The following GNPTG variants were observed in gnomAD, a reference collection of about 807,000 sequenced individuals.
The protein encoded by GNPTG is N-acetylglucosamine-1-phosphotransferase subunit gamma.
A neutral mutation model predicts 43.8 loss-of-function variants in GNPTG; 46 were observed. That is an observed-to-expected ratio of 1.05 (90% confidence interval 0.83 to 1.34). The LOEUF is 1.34. GNPTG is among the 40% of genes most tolerant of loss of function. GNPTG has a pLI of 0.00. For synonymous variants in GNPTG, 250 were observed against 172.8 expected (o/e 1.45, Z -3.50); for missense variants, 549 against 411.3 (o/e 1.33, Z -2.90).
In GNPTG at chr16:1,363,194, G is replaced by A. The variant is rs149512696; in HGVS notation, c.*103G>A. 1.9e-4 allele frequency: 186 copies of A among 955,736 alleles called. No individual in the cohort carries two copies. In the African/African-American group the frequency reaches 2.7e-3, roughly 14 times the overall value. 59.2% of individuals were successfully genotyped at this position (955,736 alleles called of 1,614,324 possible). A position where few individuals can be genotyped will look rare whatever the true frequency, so the allele number is the denominator to read the frequency against. On this transcript the variant is annotated 3_prime_UTR_variant, in exon 11 of 11. Transcript: ENST00000204679. ...GCTGACCAGGCTTGTGCTCAGAGAA[G>A]CAGACAAAACAAAGATTCAAGGTTT... is the stretch of plus-strand genomic sequence containing the variant.
Position 1,361,816 on chromosome 16 carries a change from C to T in GNPTG, c.233+19C>T, listed in dbSNP as rs373810840. 2.3e-5 allele frequency: 37 copies of T among 1,603,892 alleles called. No individual in the cohort carries two copies. Among genetic ancestry groups the T allele is most frequent in the Middle Eastern group, 1.7e-4 (1 of 6,042 alleles). On this transcript the variant is annotated intron_variant, in intron 4 of 10. Transcript: ENST00000204679. ...AGTCCACGTGAGTGCAGGGTGGGTG[C>T]GAGGGTGGGCTGGGGCGCAGCCTGC...
intron 3 of GNPTG, among the ~76,000 whole-genome samples, chr16:1,353,566 C>T (rs902927596): frequency 3.9e-5 from 6 of 152,160 alleles, no homozygotes; most frequent in Admixed American, 1.3e-4. Context: ...CTCTCTCACT[C>T]GGGCTGGAGT....
chr16:1,354,210 C>A (rs2034732434), intron 3 of GNPTG, among the ~76,000 whole-genome samples: 2 of 152,058 alleles, frequency 1.3e-5, no homozygotes, highest in Non-Finnish European at 2.9e-5. Context: ...CAGCGCAGTT[C>A]CCGACCGAAC....
Position 1,362,665 on chromosome 16 carries a change from C to T in GNPTG, c.664C>T (p.Pro222Ser), listed in dbSNP as rs1182234446. 1.2e-6 allele frequency: 2 copies of T among 1,614,104 alleles called. No homozygotes were observed. Among genetic ancestry groups the T allele is most frequent in the South Asian group, 1.1e-5 (1 of 91,082 alleles). The change falls in exon 9 of 11, where the codon CCA becomes TCA. Residue 222 changes from proline (P) to serine (S), a missense_variant. Transcript: ENST00000204679. ...LFEDAGYLKTPEENEPTQLEG... is the reference protein window; with the variant it reads ...LFEDAGYLKTSEENEPTQLEG... ...TGAGGATGCTGGCTACTTAAAGACC[C>T]CAGAAGAAAATGAACCCACCCAGCT...
rs561151010 is a variant in GNPTG, at chr16:1,361,644, A to C, written c.179-99A>C. 293 of 1,230,894 alleles carry C rather than the reference A, an allele frequency of 2.4e-4. 2 individuals are homozygous for C. The African/African-American group carries it at 4.1e-3, about 17-fold the overall frequency. The allele number at this position is 1,230,894 out of a possible 1,614,324, so 76.2% of individuals were successfully genotyped here. A position where few individuals can be genotyped will look rare whatever the true frequency, so the allele number is the denominator to read the frequency against. ...GGGTGACAGAGTGAGACTCCATCTC[A>C]AAAAAAAAGAAAACTGGTCCTTTGA... is the stretch of plus-strand genomic sequence containing the variant. On this transcript the variant is annotated intron_variant, in intron 3 of 10. Coordinates refer to ENST00000204679, the MANE Select transcript of GNPTG (RefSeq NM_032520.5).
chr16:1,362,190 C>A lies in GNPTG; in HGVS notation c.412-16C>A, dbSNP rs756307321. 1.2e-6 allele frequency: 2 copies of A among 1,613,424 alleles called. No homozygotes were observed. The highest frequency in any genetic ancestry group is 1.3e-5 in the African/African-American group (1 of 75,066). ...CCCCAGTCTCCCCAACCCACCTACCCACGTTCCCTCCCCAGGTGGAGCTGG... is the reference window on the plus strand; with the variant it reads ...CCCCAGTCTCCCCAACCCACCTACCAACGTTCCCTCCCCAGGTGGAGCTGG... On this transcript the variant is annotated splice_polypyrimidine_tract_variant and intron_variant, in intron 6 of 10. Transcript: ENST00000204679.
intron 3 of GNPTG, among the ~76,000 whole-genome samples, chr16:1,360,450 C>T (rs973650192): frequency 1.8e-4 from 28 of 152,116 alleles, no homozygotes; most frequent in African/African-American, 6.0e-4. Context: ...ACAGTGAAAC[C>T]CCGCCTCTGC....
In GNPTG at chr16:1,361,875, CAAGTAT is replaced by C. The variant is rs773452586; in HGVS notation, c.238_243del (p.Lys80_Tyr81del). The C allele has an allele frequency of 6.6e-5, 107 of 1,613,808 alleles. No homozygotes were observed. Among genetic ancestry groups the C allele is most frequent in the Non-Finnish European group, 8.7e-5 (103 of 1,180,038 alleles). ...CTCATGCCATCTGTGTCCCCAGGTA[CAAGTAT>C]GAGTTCTGCCCGTTCCACAACGTGA... is the stretch of plus-strand genomic sequence containing the variant. On this transcript the variant is annotated inframe_deletion, in exon 5 of 11. Coordinates refer to ENST00000204679, the MANE Select transcript of GNPTG (RefSeq NM_032520.5).
intron 4 of GNPTG, 36 bp downstream of exon 4, chr16:1,361,833 G>A (rs376636252): frequency 6.8e-5 from 110 of 1,613,478 alleles, no homozygotes; most frequent in Middle Eastern, 5.0e-4. Context: ...GGGCTGGGGC[G>A]CAGCCTGCGG....
chr16:1,355,544 A>G (rs1350565269), intron 3 of GNPTG, among the ~76,000 whole-genome samples: 1 of 152,040 alleles, frequency 6.6e-6, no homozygotes, highest in East Asian at 1.9e-4. Flanking sequence ...GTCCCTTGAC[A>G]GCAGGAGGAG....
At chr16:1,355,776 G>A (rs1183754459) in intron 3 of GNPTG, among the ~76,000 whole-genome samples, 1 of 152,072 alleles carries the variant, frequency 6.6e-6, no homozygotes, top group Non-Finnish European at 1.5e-5. Context: ...GAGGGGGCGG[G>A]GGAGGAGTAG....
chr16:1,361,990 A>C, intron 5 of GNPTG, 35 bp downstream of exon 5: 1 of 1,613,170 alleles, frequency 6.2e-7, no homozygotes, highest in Non-Finnish European at 8.5e-7. Flanking sequence ...CCAAAGCAGC[A>C]GCGCAGCTCC....
At chr16:1,361,707 C>T (rs1450516450) in intron 3 of GNPTG, 36 bp from the exon 4 acceptor site, 2 of 1,612,124 alleles carry the variant, frequency 1.2e-6, no homozygotes, top group South Asian at 1.1e-5. Context: ...AGGTTCTGTG[C>T]TTGGACCCTG....
intron 1 of GNPTG, 26 bp from the exon 2 acceptor site, chr16:1,352,076 C>G: frequency 6.5e-7 from 1 of 1,547,584 alleles, no homozygotes; most frequent in Non-Finnish European, 8.7e-7. Context: ...CCCCGGCCTC[C>G]CCGCTCACGG....
intron 8 of GNPTG, 36 bp from the exon 9 acceptor site, chr16:1,362,575 G>T (rs761072266): frequency 6.2e-7 from 1 of 1,614,202 alleles, no homozygotes; most frequent in South Asian, 1.1e-5. Context: ...GGCCTGGCTG[G>T]GAGCTGGGTG....
In GNPTG at chr16:1,362,135, G is replaced by A. The variant is rs751575030; in HGVS notation, c.411+4G>A. ...TTCCCGGAGCCGGCAGAGCAAGGTG[G>A]GGCCTCAGACGGGAGCCCGGGAAGA... On this transcript the variant is annotated splice_donor_region_variant and intron_variant, in intron 6 of 10. Coordinates refer to ENST00000204679, the MANE Select transcript of GNPTG (RefSeq NM_032520.5). 19 of 1,612,384 alleles carry A rather than the reference G, an allele frequency of 1.2e-5. No individual in the cohort carries two copies. The highest frequency in any genetic ancestry group is 2.2e-5 in the East Asian group (1 of 44,818).
chr16:1,363,036 G>C lies in GNPTG; in HGVS notation c.863G>C (p.Arg288Thr). 6.2e-7 allele frequency: 1 copy of C among 1,614,086 alleles called. No homozygotes were observed. The highest frequency in any genetic ancestry group is 8.5e-7 in the Non-Finnish European group (1 of 1,180,040). ...NLEHLGHETP[R>T]AKSPEQLRGD... ...GAGCACTTGGGCCACGAGACGCCCA[G>C]AGCCAAGTCTCCAGAGCAGCTGCGG... The change falls in exon 11 of 11, where the codon AGA becomes ACA. Residue 288 changes from arginine to threonine, a missense_variant. Physicochemically the swap from Arg to Thr is moderately conservative, Grantham distance 71. Coordinates refer to ENST00000204679, the MANE Select transcript of GNPTG (RefSeq NM_032520.5).
rs60000415 is a variant in GNPTG, at chr16:1,363,159, G to C, written c.*68G>C. 3.0e-6 allele frequency: 4 copies of C among 1,353,526 alleles called. No individual in the cohort carries two copies. The highest frequency in any genetic ancestry group is 2.4e-5 in the South Asian group (2 of 83,244). The allele number at this position is 1,353,526 out of a possible 1,614,324, so 83.8% of individuals were successfully genotyped here. On this transcript the variant is annotated 3_prime_UTR_variant, in exon 11 of 11. Transcript: ENST00000204679. ...ACAGAGAAGCTGGCTGGTAGGACCC[G>C]CAGGGACCAGCTGACCAGGCTTGTG...
chr16:1,362,073 T>TCA lies in GNPTG; in HGVS notation c.355_356dup (p.Gly120ArgfsTer5). On this transcript the variant is annotated frameshift_variant, in exon 6 of 11. Transcript: ENST00000204679. LOFTEE classifies it high-confidence loss of function. ...GAGTGGGAGATCGCCAACAACACCT[T>TCA]CACGGGCATGTGGATGAGGGACGGT... 1.2e-6 allele frequency: 2 copies of TCA among 1,612,400 alleles called. No individual in the cohort carries two copies. The highest frequency in any genetic ancestry group is 1.7e-6 in the Non-Finnish European group (2 of 1,179,598).
Sources: gnomAD v4.1 joint callset for allele counts (sites outside exome capture counted in the v4.1 genomes callset) on GRCh38, gnomAD v4.1.1 for gene constraint, MANE v1.5 for transcripts, NCBI Gene and HGNC (gene_info 2026-07-23, HGNC 2026-07-21) for gene names.